Variants in RANBP2 observed in about 807,000 individuals in gnomAD.
The protein encoded by RANBP2 is E3 SUMO-protein ligase RanBP2.
Under a neutral mutation model 303.6 loss-of-function variants are expected in RANBP2, and 57 were observed. The ratio of observed to expected loss-of-function variants is 0.19; its 90% CI spans 0.15 to 0.23. The LOEUF is 0.23. RANBP2 is among the 10% of genes least tolerant of loss of function. The pLI is 1.00. For synonymous variants in RANBP2, 1,167 were observed against 1,301.5 expected (o/e 0.90, Z 2.23); for missense variants, 3,138 against 3,780.8 (o/e 0.83, Z 4.46).
At chr2:109,025,429 G>C in the RANBP2 span, among the ~76,000 whole-genome samples, 2 of 152,162 alleles carry the variant, frequency 1.3e-5, 1 homozygote, top group African/African-American at 4.8e-5. Flanking sequence ...TAATGGGTTA[G>C]CAGAGTAGTA....
At chr2:109,078,605 T>C in the RANBP2 span, among the ~76,000 whole-genome samples, 2 of 149,666 alleles carry the variant, frequency 1.3e-5, no homozygotes, top group East Asian at 3.9e-4. Context: ...AGGTAAAGCA[T>C]GAGGACTATG....
chr2:109,504,030 G>A, the RANBP2 span: 1 of 152,234 alleles, frequency 6.6e-6, no homozygotes, highest in Non-Finnish European at 1.5e-5. Flanking sequence ...ATGCCGGGCT[G>A]CCTGAGAGCA....
chr2:109,413,244 A>T, the RANBP2 span, among the ~76,000 whole-genome samples: 2 of 152,152 alleles, frequency 1.3e-5, no homozygotes, highest in Non-Finnish European at 2.9e-5. Flanking sequence ...CCTCCCAAGT[A>T]ACTGGGATTA....
the RANBP2 span, among the ~76,000 whole-genome samples, chr2:109,701,481 C>T: frequency 6.6e-6 from 1 of 152,134 alleles, no homozygotes; most frequent in Non-Finnish European, 1.5e-5. Context: ...GGGGGGCCTC[C>T]AGGTCAGAAG....
the RANBP2 span, among the ~76,000 whole-genome samples, chr2:109,539,590 C>T: frequency 5.3e-5 from 8 of 151,990 alleles, no homozygotes; most frequent in South Asian, 4.2e-4. Flanking sequence ...GCTACAAGCA[C>T]GTGCCACCAT....
At chr2:109,044,326 C>T in the RANBP2 span, among the ~76,000 whole-genome samples, 1 of 151,906 alleles carries the variant, frequency 6.6e-6, no homozygotes, top group Non-Finnish European at 1.5e-5. Context: ...TGAGACCGTC[C>T]TGGCCAACAC....
At chr2:109,408,566 C>T in the RANBP2 span, among the ~76,000 whole-genome samples, 23 of 152,260 alleles carry the variant, frequency 1.5e-4, no homozygotes, top group Non-Finnish European at 2.6e-4. Context: ...TCCTCCCATT[C>T]GCTGTCCCCT....
chr2:109,593,645 T>C, the RANBP2 span, among the ~76,000 whole-genome samples: 1 of 152,068 alleles, frequency 6.6e-6, no homozygotes, highest in Non-Finnish European at 1.5e-5. Context: ...ACCTCGTGAT[T>C]GGCCTGCCTC....
downstream of RANBP2, chr2:108,788,126 A>C (rs781488394): frequency 1.7e-5 from 27 of 1,586,792 alleles, no homozygotes; most frequent in East Asian, 2.2e-5. Flanking sequence ...GGTTTCAAAA[A>C]TTTAATTTGA....
At chr2:109,007,105 G>A in the RANBP2 span, among the ~76,000 whole-genome samples, 1 of 152,202 alleles carries the variant, frequency 6.6e-6, no homozygotes, top group East Asian at 1.9e-4. Flanking sequence ...AGCCCGACCT[G>A]GAAATCAGCT....
the RANBP2 span, among the ~76,000 whole-genome samples, chr2:109,149,852 CAG>C: frequency 2.0e-5 from 3 of 152,166 alleles, no homozygotes; most frequent in Non-Finnish European, 4.4e-5. Flanking sequence ...ATTAAAATAC[CAG>C]GGGGTTCTTT....
At chr2:109,446,985 T>C in the RANBP2 span, among the ~76,000 whole-genome samples, 6 of 151,430 alleles carry the variant, frequency 4.0e-5, no homozygotes, top group Non-Finnish European at 7.4e-5. Context: ...GACGAATAAA[T>C]CTCGAGGAGC....
chr2:108,942,014 T>C, the RANBP2 span, among the ~76,000 whole-genome samples: 2 of 152,206 alleles, frequency 1.3e-5, no homozygotes, highest in Non-Finnish European at 2.9e-5. Context: ...CCTTGTGTGA[T>C]GGAAACTCCA....
chr2:109,227,144 A>G, the RANBP2 span, among the ~76,000 whole-genome samples: 1 of 152,144 alleles, frequency 6.6e-6, no homozygotes, highest in East Asian at 1.9e-4. Flanking sequence ...CGGCTGAGTG[A>G]ACTGATGGCA....
chr2:109,078,916 G>A, the RANBP2 span, among the ~76,000 whole-genome samples: 3 of 151,992 alleles, frequency 2.0e-5, no homozygotes, highest in South Asian at 2.1e-4. Context: ...GCATGAACCC[G>A]GGAGGCGGAG....
At chr2:109,239,616 C>A in the RANBP2 span, among the ~76,000 whole-genome samples, 2 of 152,110 alleles carry the variant, frequency 1.3e-5, no homozygotes, top group African/African-American at 4.8e-5. Flanking sequence ...CAGGCGTGAT[C>A]ATCCAGGATA....
the RANBP2 span, among the ~76,000 whole-genome samples, chr2:109,469,333 C>A: frequency 6.6e-6 from 1 of 152,234 alleles, no homozygotes; most frequent in Non-Finnish European, 1.5e-5. Flanking sequence ...GTGTGGCATG[C>A]GGCTGGGCCC....
the RANBP2 span, among the ~76,000 whole-genome samples, chr2:109,778,115 G>C: frequency 7.4e-6 from 1 of 135,122 alleles, no homozygotes; most frequent in Non-Finnish European, 1.6e-5. Flanking sequence ...AGCAAAACAA[G>C]CAAAATACAG....
the RANBP2 span, among the ~76,000 whole-genome samples, chr2:109,279,003 T>A: frequency 7.2e-5 from 11 of 152,308 alleles, 1 homozygote; most frequent in East Asian, 1.2e-3. Flanking sequence ...CCAAAGTTGG[T>A]GTGCTTGTAC....
Sources: allele counts gnomAD v4.1 joint callset (sites outside exome capture counted in the v4.1 genomes callset), GRCh38; gene constraint gnomAD v4.1.1; transcripts MANE v1.5; gene names NCBI Gene and HGNC (gene_info 2026-07-23, HGNC 2026-07-21).